Variants in ERV3-1 observed in about 807,000 individuals in gnomAD.
ERV3-1 encodes the protein endogenous retrovirus group 3 member 1, envelope.
In ERV3-1, 36 loss-of-function variants were observed where a neutral mutation model predicts 24.6. The observed-to-expected ratio is 1.47, with a 90% confidence interval of 1.12 to 1.94. The LOEUF is 1.94. Ranked by LOEUF, ERV3-1 falls within the 30% of genes most tolerant of loss-of-function variation. The probability of loss-of-function intolerance (pLI) is 0.00; values close to 1 mark genes in which losing one functional copy is unlikely to be tolerated. For missense variants in ERV3-1, 578 were observed against 330.9 expected (o/e 1.75, Z -5.79); for synonymous variants, 211 against 122.6 (o/e 1.72, Z -4.76).
At chr7:65,000,899 C>CA (rs1232062670) in intron 1 of ERV3-1, among the ~76,000 whole-genome samples, 1 of 152,134 alleles carries the variant, frequency 6.6e-6, no homozygotes, top group Non-Finnish European at 1.5e-5. Flanking sequence ...GAAACATGGA[C>CA]AGAGTTGGAG....
rs1222552871 is a variant in ERV3-1, at chr7:64,992,361, T to TGCC, written c.663_665dup (p.Ala222dup). On this transcript the variant is annotated inframe_insertion, in exon 2 of 2. Transcript: ENST00000394323. ...GGCCAATTTCTTCACCGCTGACTCG[T>TGCC]GCCCCTAGCGGTGCTTTTAAACCTG... is the stretch of plus-strand genomic sequence containing the variant. 1 of 766,454 alleles carries TGCC rather than the reference T, an allele frequency of 1.3e-6. No homozygotes were observed. The highest frequency in any genetic ancestry group is 1.7e-5 in the Admixed American group (1 of 59,022). The allele number at this position is 766,454 out of a possible 1,614,324, so 47.5% of individuals were successfully genotyped here.
chr7:65,001,002 C>A (rs752083656), intron 1 of ERV3-1, among the ~76,000 whole-genome samples: 4 of 151,984 alleles, frequency 2.6e-5, no homozygotes, highest in African/African-American at 4.8e-5. Flanking sequence ...CACATGGACA[C>A]AAAGAGAGAA....
intron 1 of ERV3-1, among the ~76,000 whole-genome samples, chr7:65,001,090 G>A (rs934283292): frequency 6.7e-6 from 1 of 149,602 alleles, no homozygotes; most frequent in Non-Finnish European, 1.5e-5. Context: ...TTGGTGCTAT[G>A]CTTAGTACCT....
chr7:64,991,037 G>T lies in ERV3-1; in HGVS notation c.*175C>A. ...TAATACTTAGTTAGGGCCATTAGTC[G>T]TGTGGTAGTCCGTCTGTCCACAAGA... On this transcript the variant is annotated 3_prime_UTR_variant, in exon 2 of 2. Coordinates refer to ENST00000394323, the MANE Select transcript of ERV3-1 (RefSeq NM_001007253.4). The T allele has an allele frequency of 3.8e-6, 2 of 524,222 alleles. No homozygotes were observed. The highest frequency in any genetic ancestry group is 6.8e-5 in the Admixed American group (2 of 29,240). The allele number at this position is 524,222 out of a possible 1,614,324, so 32.5% of individuals were successfully genotyped here.
intron 1 of ERV3-1, among the ~76,000 whole-genome samples, chr7:64,997,411 G>T (rs546190658): frequency 1.2e-4 from 18 of 152,248 alleles, no homozygotes; most frequent in South Asian, 4.1e-4. Context: ...AGTGTCAAAC[G>T]GGGTGTAAAG....
At chr7:64,997,287 C>T (rs1786424060) in intron 1 of ERV3-1, among the ~76,000 whole-genome samples, 1 of 152,214 alleles carries the variant, frequency 6.6e-6, no homozygotes, top group African/African-American at 2.4e-5. Context: ...CTTCTAAAAG[C>T]TGAGTGGCAT....
chr7:65,006,509 C>T, intron 1 of ERV3-1, 32 bp downstream of exon 1: 2 of 1,571,430 alleles, frequency 1.3e-6, no homozygotes, highest in East Asian at 2.2e-5. Flanking sequence ...GCCCCGCCCC[C>T]TCTCTCGGGA....
At position 64,998,692 on chromosome 7, in the gene ERV3-1, GAT is replaced by G. The variant is rs780916472; in HGVS notation, c.-388-5280_-388-5279del. Among the ~76,000 whole-genome samples, 42 of 152,182 alleles carry G rather than the reference GAT, an allele frequency of 2.8e-4. 1 individual carries two copies. The highest frequency in any genetic ancestry group is 5.1e-4 in the Non-Finnish European group (35 of 67,996). ...GCAGGAGTATTTCAGACACTTCTTA[GAT>G]TTAATGGAGGGTTCATATGAGTCCT... On this transcript the variant is annotated intron_variant, in intron 1 of 1. Coordinates refer to ENST00000394323, the MANE Select transcript of ERV3-1 (RefSeq NM_001007253.4).
In ERV3-1 at chr7:64,992,779, T is replaced by C; in HGVS notation, c.248A>G (p.Asp83Gly). ...CCAGGTCCCAGGTGAAGACTTAGGG[T>C]CATAACACACATAAGGCTGGCCCCT... ...PGRGQPYVCY[D>G]PKSSPGTWFE... The change falls in exon 2 of 2, where the codon GAC (aspartate) becomes GGC (glycine). Residue 83 changes from aspartate to glycine, a missense_variant. Transcript: ENST00000394323. The C allele has an allele frequency of 1.3e-6, 1 of 766,356 alleles. No homozygotes were observed. The highest frequency in any genetic ancestry group is 2.4e-6 in the Non-Finnish European group (1 of 417,894). 47.5% of individuals were successfully genotyped at this position (766,356 alleles called of 1,614,324 possible).
chr7:64,997,430 C>T (rs1026259758), intron 1 of ERV3-1, among the ~76,000 whole-genome samples: 3 of 152,188 alleles, frequency 2.0e-5, no homozygotes, highest in African/African-American at 7.2e-5. Context: ...AGCTAGAATG[C>T]TTTACAGAGT....
chr7:64,992,489 G>T lies in ERV3-1; in HGVS notation c.538C>A (p.Pro180Thr), dbSNP rs547865098. The change falls in exon 2 of 2, where the codon CCA (proline) becomes ACA (threonine). Residue 180 changes from proline to threonine, a missense_variant. Physicochemically the swap from Pro to Thr is conservative, Grantham distance 38. Coordinates refer to ENST00000394323, the MANE Select transcript of ERV3-1 (RefSeq NM_001007253.4). The stretch of plus-strand genomic sequence containing the variant: ...AATGGTATTTTGGTAAGCATAATTG[G>T]CCCTAGTGATTGTTGGTTAGTGGAC... ...TWSTNQQSLG[P>T]IMLTKIPLEP... is the part of the protein sequence containing the mutation. 1.3e-6 allele frequency: 1 copy of T among 766,296 alleles called. No homozygotes were observed. Among genetic ancestry groups the T allele is most frequent in the African/African-American group, 1.7e-5 (1 of 59,194 alleles). The allele number at this position is 766,296 out of a possible 1,614,324, so 47.5% of individuals were successfully genotyped here.
intron 1 of ERV3-1, among the ~76,000 whole-genome samples, chr7:64,998,808 T>C (rs1786460919): frequency 6.6e-6 from 1 of 152,144 alleles, no homozygotes; most frequent in East Asian, 1.9e-4. Flanking sequence ...CTAGTCTCGG[T>C]CGGTTCCACA....
In ERV3-1 at chr7:64,991,623, T is replaced by G; in HGVS notation, c.1404A>C (p.Lys468Asn). The G allele has an allele frequency of 2.8e-6, 2 of 704,418 alleles. No homozygotes were observed. Among genetic ancestry groups the G allele is most frequent in the Non-Finnish European group, 5.2e-6 (2 of 385,150 alleles). The allele number at this position is 704,418 out of a possible 1,614,324, so 43.6% of individuals were successfully genotyped here. A position where few individuals can be genotyped will look rare whatever the true frequency, so the allele number is the denominator to read the frequency against. Residue 468 changes from lysine (K) to asparagine (N), a missense_variant, in exon 2 of 2, where the codon AAA (lysine) becomes AAC (asparagine). Transcript: ENST00000394323. ...GYPIYDETKR[K>N]SKRGITIGDW... ...CTCCTATAGTTATGCCTCTTTTGCT[T>G]TTCCTTTTAGTTTCATCATAGATGG...
rs1284463393 is a variant in ERV3-1, at chr7:65,004,871, T to A, written c.-389+1670A>T. On this transcript the variant is annotated intron_variant, in intron 1 of 1. Coordinates refer to ENST00000394323, the MANE Select transcript of ERV3-1 (RefSeq NM_001007253.4). ...CATCTCACTGGGGCCAGGTTTGATT[T>A]TTTTTTTTTTTTTTTTTTTGTCTTT... 1.9e-4 allele frequency: 11 copies of A among 57,968 alleles called. No individual in the cohort carries two copies. In the Admixed American group the frequency reaches 2.7e-3, roughly 14 times the overall value. The allele number at this position is 57,968 out of a possible 1,614,324, so 3.6% of individuals were successfully genotyped here.
intron 1 of ERV3-1, among the ~76,000 whole-genome samples, chr7:64,996,303 AT>A (rs1302908473): frequency 3.3e-5 from 5 of 152,148 alleles, no homozygotes; most frequent in African/African-American, 4.8e-5. Context: ...AATGCCCCAA[AT>A]ATCCTCTTGG....
chr7:64,999,302 A>T (rs1280803883), intron 1 of ERV3-1, among the ~76,000 whole-genome samples: 4 of 152,192 alleles, frequency 2.6e-5, no homozygotes, highest in Non-Finnish European at 5.9e-5. Flanking sequence ...GCCAAAGGAG[A>T]CAGTAAACCT....
Position 64,991,647 on chromosome 7 carries a change from G to A in ERV3-1, c.1380C>T (p.Pro460=), listed in dbSNP as rs1294279286. 2.8e-6 allele frequency: 2 copies of A among 707,304 alleles called. No homozygotes were observed. Among genetic ancestry groups the A allele is most frequent in the African/African-American group, 3.5e-5 (2 of 57,420 alleles). 43.8% of individuals were successfully genotyped at this position (707,304 alleles called of 1,614,324 possible). A position where few individuals can be genotyped will look rare whatever the true frequency, so the allele number is the denominator to read the frequency against. ...PLKQGEALGY[P]IYDETKRKSK... ...TTTTCCTTTTAGTTTCATCATAGAT[G>A]GGGTATCCTAAGGCTTCTCCCTGTT... Residue 460 remains proline (P), a synonymous_variant, in exon 2 of 2, where the codon CCC becomes CCT. Transcript: ENST00000394323.
In ERV3-1 at chr7:64,993,308, T is replaced by G. The variant is rs547454907; in HGVS notation, c.-282A>C. 1.7e-5 allele frequency: 6 copies of G among 347,416 alleles called. No homozygotes were observed. The highest frequency in any genetic ancestry group is 1.6e-4 in the East Asian group (3 of 19,308). 21.5% of individuals were successfully genotyped at this position (347,416 alleles called of 1,614,324 possible). A position where few individuals can be genotyped will look rare whatever the true frequency, so the allele number is the denominator to read the frequency against. On this transcript the variant is annotated 5_prime_UTR_variant, in exon 2 of 2. Coordinates refer to ENST00000394323, the MANE Select transcript of ERV3-1 (RefSeq NM_001007253.4). ...TCTCACTGGCACCTTGGTTCCATCG[T>G]AGGATCAGCTGGGTTGCATGGTCTA... is the stretch of plus-strand genomic sequence containing the variant.
intron 1 of ERV3-1, among the ~76,000 whole-genome samples, chr7:64,999,522 C>T (rs755068347): frequency 4.6e-5 from 7 of 152,198 alleles, no homozygotes; most frequent in Non-Finnish European, 8.8e-5. Context: ...ACCTGTGAGA[C>T]AGGAAAGCAG....
Sources: allele counts gnomAD v4.1 joint callset (sites outside exome capture counted in the v4.1 genomes callset), GRCh38; gene constraint gnomAD v4.1.1; transcripts MANE v1.5; gene names NCBI Gene and HGNC (gene_info 2026-07-23, HGNC 2026-07-21).